The following UNC79 variants were observed in gnomAD, a reference collection of about 807,000 sequenced individuals.
The protein encoded by UNC79 is protein unc-79 homolog.
In UNC79, 37 loss-of-function variants were observed where a neutral mutation model predicts 283.1. The ratio of observed to expected loss-of-function variants is 0.13; its 90% CI spans 0.10 to 0.17. The LOEUF (loss-of-function observed/expected upper bound fraction) is 0.17, where lower values mean the gene tolerates loss of function less well. Among genes scored for constraint, UNC79 ranks in the 10% least tolerant of loss-of-function variants. UNC79 has a pLI of 1.00. For missense variants in UNC79, 2,272 were observed against 3,211.1 expected, an observed-to-expected ratio of 0.71 and a Z score of 7.07; for synonymous variants, 1,107 against 1,200.2, an observed-to-expected ratio of 0.92 and a Z score of 1.61.
intron 26 of UNC79, among the ~76,000 whole-genome samples, chr14:93,610,039 G>A (rs1323630796): frequency 1.3e-5 from 2 of 152,196 alleles, no homozygotes; most frequent in Admixed American, 1.3e-4. Context: ...AGTGAGATGG[G>A]CATGTATGAA....
At chr14:93,631,710 A>T (rs1423767191) in intron 31 of UNC79, among the ~76,000 whole-genome samples, 1 of 152,232 alleles carries the variant, frequency 6.6e-6, no homozygotes, top group Non-Finnish European at 1.5e-5. Context: ...TGATCCTGAA[A>T]AAACAGATAA....
At chr14:93,512,978 C>A (rs1410913553) in intron 7 of UNC79, among the ~76,000 whole-genome samples, 2 of 152,000 alleles carry the variant, frequency 1.3e-5, no homozygotes, top group African/African-American at 4.8e-5. Flanking sequence ...AGACTCTGAA[C>A]TATTTTATTT....
Position 93,473,467 on chromosome 14 carries a change from T to C in UNC79, c.144-622T>C, listed in dbSNP as rs189203342. On this transcript the variant is annotated intron_variant, in intron 2 of 48. Transcript: ENST00000555664. Reference sequence around the variant, plus strand: ...AATATGTATTATTTCTAAATTCATATGCCTGTTTAAACTTCATTATCTCAA... The same window carrying C: ...AATATGTATTATTTCTAAATTCATACGCCTGTTTAAACTTCATTATCTCAA... Among the ~76,000 whole-genome samples, 891 of 152,344 alleles carry C rather than the reference T, an allele frequency of 5.8e-3. 9 individuals are homozygous for C. The highest frequency in any genetic ancestry group is 0.02 in the African/African-American group (845 of 41,586).
Position 93,690,208 on chromosome 14 carries a change from G to T in UNC79, c.7177G>T (p.Ala2393Ser). 12 of 1,614,120 alleles carry T rather than the reference G, an allele frequency of 7.4e-6. No individual in the cohort carries two copies. Among genetic ancestry groups the T allele is most frequent in the Non-Finnish European group, 1.0e-5 (12 of 1,180,034 alleles). Residue 2393 changes from alanine (A) to serine (S), a missense_variant, in exon 45 of 49, where the codon GCC (alanine) becomes TCC (serine). By Grantham distance (99) the Ala-to-Ser change is moderately conservative. This residue lies in a region of UNC79 where 225 missense variants were observed against 334.2 expected (regional missense o/e 0.67). Transcript: ENST00000555664. This position sits in a 1 kb window ranked among gnomAD's most constrained non-coding sequence, Gnocchi z 4.3. ...CACTCACAATGCAGTGTGCCCAAATGCCTCCTCTCCCTGCCTGCCCATTCC... is the reference window on the plus strand; with the variant it reads ...CACTCACAATGCAGTGTGCCCAAATTCCTCCTCTCCCTGCCTGCCCATTCC...
At chr14:93,409,296 A>G (rs2055288813) in intron 1 of UNC79, among the ~76,000 whole-genome samples, 7 of 152,232 alleles carry the variant, frequency 4.6e-5, no homozygotes, top group Admixed American at 4.6e-4. Flanking sequence ...ATATGAAATA[A>G]TATTCCATTC....
Position 93,544,038 on chromosome 14 carries a change from C to T in UNC79, c.1755+1342C>T, listed in dbSNP as rs112208492. Among the ~76,000 whole-genome samples the T allele has an allele frequency of 2.0e-5, 3 of 152,160 alleles. No homozygotes were observed. In the South Asian group the frequency reaches 6.2e-4, roughly 32 times the overall value. On this transcript the variant is annotated intron_variant, in intron 14 of 48. Transcript: ENST00000555664. ...ATTTCCCATTTTCTGACATTCTTTG[C>T]CTGTGTTGATATATTTTCTATTATT...
At chr14:93,518,320 A>G (rs891271728) in intron 7 of UNC79, among the ~76,000 whole-genome samples, 2 of 151,766 alleles carry the variant, frequency 1.3e-5, no homozygotes, top group Non-Finnish European at 2.9e-5. Context: ...ATAGTGAGTT[A>G]TTTGTGTCTT....
chr14:93,501,088 G>T (rs993366050), intron 7 of UNC79, among the ~76,000 whole-genome samples: 1 of 152,194 alleles, frequency 6.6e-6, no homozygotes, highest in Non-Finnish European at 1.5e-5. Context: ...ACTTTGGGAA[G>T]TGGAGGCAGG....
At chr14:93,500,196 G>A (rs1317760810) in intron 7 of UNC79, among the ~76,000 whole-genome samples, 1 of 152,196 alleles carries the variant, frequency 6.6e-6, no homozygotes, top group Non-Finnish European at 1.5e-5. Flanking sequence ...GAAAGGTTCA[G>A]TCAAACCTGT....
chr14:93,384,951 A>G (rs535345673), intron 1 of UNC79, among the ~76,000 whole-genome samples: 9 of 152,238 alleles, frequency 5.9e-5, no homozygotes, highest in African/African-American at 2.2e-4. Flanking sequence ...CTTTTCCCCA[A>G]TGTATGTTCT....
chr14:93,569,406 C>T (rs900498816), intron 14 of UNC79, among the ~76,000 whole-genome samples: 3 of 152,084 alleles, frequency 2.0e-5, no homozygotes, highest in Non-Finnish European at 4.4e-5. Flanking sequence ...CATTGCACTC[C>T]AGCCTGGGTG....
At chr14:93,624,251 G>A (rs1405477883) in intron 30 of UNC79, among the ~76,000 whole-genome samples, 1 of 152,158 alleles carries the variant, frequency 6.6e-6, no homozygotes, top group Non-Finnish European at 1.5e-5. Flanking sequence ...AAAACGCGCT[G>A]TAAAAATCTG....
intron 14 of UNC79, among the ~76,000 whole-genome samples, chr14:93,562,913 G>A (rs543865258): frequency 2.0e-5 from 3 of 152,304 alleles, no homozygotes; most frequent in East Asian, 1.9e-4. Context: ...TTGATGTGAA[G>A]GGAAGGGAGG....
At chr14:93,497,371 C>A in intron 7 of UNC79, 85 bp downstream of exon 7, 1 of 1,447,306 alleles carries the variant, frequency 6.9e-7, no homozygotes, top group South Asian at 1.5e-5. Flanking sequence ...ACATTTTTAT[C>A]TTGCTGGATT....
intron 1 of UNC79, among the ~76,000 whole-genome samples, chr14:93,462,266 A>C (rs1222146601): frequency 6.6e-6 from 1 of 152,220 alleles, no homozygotes; most frequent in Non-Finnish European, 1.5e-5. Context: ...AGATCGGGCC[A>C]CTGCATCCCA....
rs117916333 is a variant in UNC79 at position 93,634,124 on chromosome 14, A to G, written c.5717-3092A>G. Reference sequence around the variant, plus strand: ...ACATACACAAGGACCTCATGGGGCTATGAGGAAGATGGAAATAATGTATGC... The same window carrying G: ...ACATACACAAGGACCTCATGGGGCTGTGAGGAAGATGGAAATAATGTATGC... On this transcript the variant is annotated intron_variant, in intron 31 of 48. Transcript: ENST00000555664. 3.6e-3 allele frequency among the ~76,000 whole-genome samples: 553 copies of G among 152,330 alleles called. 1 individual carries two copies. Among genetic ancestry groups the G allele is most frequent in the Non-Finnish European group, 5.2e-3 (354 of 68,024 alleles).
At chr14:93,378,911 A>G (rs1307964990) in intron 1 of UNC79, among the ~76,000 whole-genome samples, 1 of 152,196 alleles carries the variant, frequency 6.6e-6, no homozygotes. Flanking sequence ...ATAACAAACA[A>G]TAGAAGATGA....
At chr14:93,539,156 G>A (rs2061246428) in intron 12 of UNC79, among the ~76,000 whole-genome samples, 1 of 150,284 alleles carries the variant, frequency 6.7e-6, no homozygotes, top group Admixed American at 6.6e-5. Flanking sequence ...ACCCGCCTGG[G>A]CCTCCCAAAG....
In UNC79 at chr14:93,477,553, T is replaced by C. The variant is rs1465213223; in HGVS notation, c.449-5T>C. 1 of 1,572,724 alleles carries C rather than the reference T, an allele frequency of 6.4e-7. No individual in the cohort carries two copies. Among genetic ancestry groups the C allele is most frequent in the Admixed American group, 1.9e-5 (1 of 53,948 alleles). ...AGTGACTGATTACTCAATTTTGTTTTGTAGATCTTGGACAGTCGATATTTT... is the reference window on the plus strand; with the variant it reads ...AGTGACTGATTACTCAATTTTGTTTCGTAGATCTTGGACAGTCGATATTTT... On this transcript the variant is annotated splice_region_variant and splice_polypyrimidine_tract_variant and intron_variant, in intron 3 of 48. Coordinates refer to ENST00000555664, the Ensembl canonical transcript of UNC79.
Sources: allele counts gnomAD v4.1 joint callset (sites outside exome capture counted in the v4.1 genomes callset), GRCh38; gene constraint gnomAD v4.1.1; regional missense constraint gnomAD v4.1.1; non-coding constraint Gnocchi (gnomAD v3.1); transcripts MANE v1.5; gene names NCBI Gene and HGNC (gene_info 2026-07-23, HGNC 2026-07-21).